Variants in PPP1R1A observed in about 807,000 individuals in gnomAD.
The protein encoded by PPP1R1A is protein phosphatase 1 regulatory subunit 1A.
PPP1R1A carries 18 observed loss-of-function variants against 23.9 expected under a neutral mutation model. The ratio of observed to expected loss-of-function variants is 0.75; its 90% CI spans 0.52 to 1.12. PPP1R1A has a LOEUF of 1.12. Among genes scored for constraint, PPP1R1A ranks in the 50% most tolerant of loss-of-function variants. The probability of loss-of-function intolerance (pLI) is 0.00; values close to 1 mark genes in which losing one functional copy is unlikely to be tolerated. For synonymous variants in PPP1R1A, 84 were observed against 80.7 expected (o/e 1.04, Z -0.22); for missense variants, 207 against 223.8 (o/e 0.92, Z 0.48).
At position 54,579,603 on chromosome 12, in the gene PPP1R1A, C is replaced by T; in HGVS notation, c.*784G>A. 1 of 985,422 alleles carries T rather than the reference C, an allele frequency of 1.0e-6. No homozygotes were observed. Among genetic ancestry groups the T allele is most frequent in the Non-Finnish European group, 1.2e-6 (1 of 829,966 alleles). The allele number at this position is 985,422 out of a possible 1,614,324, so 61.0% of individuals were successfully genotyped here. ...ATCTGAGACAGTTTCTTCTCTTATG[C>T]TTGGTTTTGGTCTTATCTGGGCCCC... On this transcript the variant is annotated 3_prime_UTR_variant, in exon 7 of 7. Coordinates refer to ENST00000257905, the MANE Select transcript of PPP1R1A (RefSeq NM_006741.4).
At chr12:54,582,221 C>A (rs1957862273) in intron 4 of PPP1R1A, 90 bp from the exon 5 acceptor site, 6 of 1,350,394 alleles carry the variant, frequency 4.4e-6, no homozygotes, top group Middle Eastern at 1.9e-4. Flanking sequence ...CCACTAAAGG[C>A]TCAGCACACA....
intron 3 of PPP1R1A, 38 bp from the exon 4 acceptor site, chr12:54,582,833 C>G: frequency 1.9e-6 from 3 of 1,593,778 alleles, no homozygotes; most frequent in South Asian, 1.1e-5. Context: ...CGCCAGCCCC[C>G]CCTTGCTCTC....
chr12:54,580,992 T>C lies in PPP1R1A; in HGVS notation c.462A>G (p.Lys154=). 1 of 1,613,970 alleles carries C rather than the reference T, an allele frequency of 6.2e-7. No homozygotes were observed. The highest frequency in any genetic ancestry group is 8.5e-7 in the Non-Finnish European group (1 of 1,179,860). Residue 154 remains lysine (K), a synonymous_variant, in exon 6 of 7, where the codon AAA becomes AAG. Coordinates refer to ENST00000257905, the MANE Select transcript of PPP1R1A (RefSeq NM_006741.4). The part of the protein sequence containing the change: ...HERGSKEPST[K]EPSTHIPPLD... ...GTGGTGGTATATGGGTTGAGGGTTC[T>C]TTTGTGCTGGGTTCCTTACTGCCTC...
intron 3 of PPP1R1A, 44 bp downstream of exon 3, chr12:54,583,167 G>T: frequency 3.3e-6 from 5 of 1,536,716 alleles, no homozygotes; most frequent in Non-Finnish European, 4.4e-6. Context: ...CCTAATGAAT[G>T]TGGGGGTTTT....
In PPP1R1A at chr12:54,579,408, C is replaced by T; in HGVS notation, c.*979G>A. 1 of 985,282 alleles carries T rather than the reference C, an allele frequency of 1.0e-6. No homozygotes were observed. The highest frequency in any genetic ancestry group is 1.2e-6 in the Non-Finnish European group (1 of 829,940). 61.0% of individuals were successfully genotyped at this position (985,282 alleles called of 1,614,324 possible). On this transcript the variant is annotated 3_prime_UTR_variant, in exon 7 of 7. Coordinates refer to ENST00000257905, the MANE Select transcript of PPP1R1A (RefSeq NM_006741.4). ...GGCCCAGGAGGAGGCCCCGAGGGCT[C>T]ATAGTAGCTGCATGGCAGAAGTGGG...
At chr12:54,583,909 G>T (rs1049987914) in intron 2 of PPP1R1A, among the ~76,000 whole-genome samples, 1 of 152,132 alleles carries the variant, frequency 6.6e-6, no homozygotes, top group Admixed American at 6.5e-5. Context: ...AGAGCTGGTG[G>T]AGGCGGTCCC....
At position 54,579,814 on chromosome 12, in the gene PPP1R1A, G is replaced by C. The variant is rs1957836383; in HGVS notation, c.*573C>G. On this transcript the variant is annotated 3_prime_UTR_variant, in exon 7 of 7. Transcript: ENST00000257905. ...AAGGCAGCTGGGGCTTGGAGGGCAG[G>C]CGAGGAGGTATCGGCACACCACCAT... The C allele has an allele frequency of 1.2e-5, 12 of 985,560 alleles. No homozygotes were observed. Among genetic ancestry groups the C allele is most frequent in the Non-Finnish European group, 1.4e-5 (12 of 830,112 alleles). The allele number at this position is 985,560 out of a possible 1,614,324, so 61.1% of individuals were successfully genotyped here.
intron 1 of PPP1R1A, among the ~76,000 whole-genome samples, chr12:54,586,749 G>C (rs577859354): frequency 6.6e-5 from 10 of 151,934 alleles, no homozygotes; most frequent in Non-Finnish European, 1.0e-4. Flanking sequence ...TTGTCTCCTA[G>C]ATCCCTGAAC....
chr12:54,584,405 C>T, intron 1 of PPP1R1A, 85 bp from the exon 2 acceptor site: 1 of 1,291,190 alleles, frequency 7.7e-7, no homozygotes. Context: ...TAACATAATC[C>T]AGGCTAGCCT....
chr12:54,585,696 G>A (rs2121214318), intron 1 of PPP1R1A, among the ~76,000 whole-genome samples: 1 of 152,150 alleles, frequency 6.6e-6, no homozygotes, highest in East Asian at 1.9e-4. Flanking sequence ...GTGGGGGGAT[G>A]ACAGAGGTGA....
At position 54,588,461 on chromosome 12, in the gene PPP1R1A, T is replaced by A; in HGVS notation, c.28A>T (p.Ile10Phe). The A allele has an allele frequency of 6.8e-7, 1 of 1,479,342 alleles. No homozygotes were observed. Among genetic ancestry groups the A allele is most frequent in the South Asian group, 1.3e-5 (1 of 76,552 alleles). The allele number at this position is 1,479,342 out of a possible 1,614,324, so 91.6% of individuals were successfully genotyped here. ...TCCAGCAGCGGGACCGTGAACTGGATCTTTCGGGGGCTGTTGTCTTGCTCC... is the reference window on the plus strand; with the variant it reads ...TCCAGCAGCGGGACCGTGAACTGGAACTTTCGGGGGCTGTTGTCTTGCTCC... Reference protein sequence around the residue: MEQDNSPRKIQFTVPLLEPH... With the variant: MEQDNSPRKFQFTVPLLEPH... Residue 10 changes from isoleucine (I) to phenylalanine (F), a missense_variant, in exon 1 of 7, where the codon ATC becomes TTC. Ile to Phe is a conservative substitution (Grantham distance 21). Transcript: ENST00000257905.
Position 54,581,985 on chromosome 12 carries a change from T to C in PPP1R1A, c.394A>G (p.Thr132Ala). 1 of 1,612,434 alleles carries C rather than the reference T, an allele frequency of 6.2e-7. No homozygotes were observed. The highest frequency in any genetic ancestry group is 2.2e-5 in the East Asian group (1 of 44,762). The change falls in exon 5 of 7, where the codon ACA becomes GCA. Residue 132 changes from threonine to alanine, a missense_variant. Transcript: ENST00000257905. The surrounding 1 kb of genome is among the most constrained non-coding windows in gnomAD (Gnocchi z 4.1). ...EVESRLGTSG[T>A]AKKTAECIPK... ...CCCAGCCTGAACATACTTTTTGCTG[T>C]CCCAGAGGTGCCCAGCCTTGACTCC...
chr12:54,581,019 C>T lies in PPP1R1A; in HGVS notation c.435G>A (p.Glu145=), dbSNP rs8407. 443,382 of 1,611,944 alleles carry T rather than the reference C, an allele frequency of 0.28. 64,776 individuals are homozygous for T. Among genetic ancestry groups the T allele is most frequent in the Middle Eastern group, 0.39 (2,391 of 6,054 alleles). ...KTAECIPKTH[E]RGSKEPSTKE... Reference sequence around the variant, plus strand: ...TTGTGCTGGGTTCCTTACTGCCTCTCTCGTGAGTTTTAGGGATGCATTCTG... The same window carrying T: ...TTGTGCTGGGTTCCTTACTGCCTCTTTCGTGAGTTTTAGGGATGCATTCTG... Residue 145 remains glutamate, a synonymous_variant, in exon 6 of 7, where the codon GAG becomes GAA. Transcript: ENST00000257905. This position sits in a 1 kb window ranked among gnomAD's most constrained non-coding sequence, Gnocchi z 4.1.
chr12:54,581,092 A>G lies in PPP1R1A; in HGVS notation c.404-42T>C. 6.8e-7 allele frequency: 1 copy of G among 1,479,494 alleles called. No individual in the cohort carries two copies. Among genetic ancestry groups the G allele is most frequent in the Non-Finnish European group, 9.4e-7 (1 of 1,062,640 alleles). 91.6% of individuals were successfully genotyped at this position (1,479,494 alleles called of 1,614,324 possible). A position where few individuals can be genotyped will look rare whatever the true frequency, so the allele number is the denominator to read the frequency against. ...GGGGTGGGAGGAAGAGGTGGCATTC[A>G]TAAAGGTGTTGGGGAGGGAACTGCT... On this transcript the variant is annotated intron_variant, in intron 5 of 6. Transcript: ENST00000257905. This position sits in a 1 kb window ranked among gnomAD's most constrained non-coding sequence, Gnocchi z 4.1.
intron 1 of PPP1R1A, 149 bp downstream of exon 1, chr12:54,588,256 A>AGC: frequency 5.5e-6 from 1 of 180,668 alleles, no homozygotes; most frequent in Non-Finnish European, 1.1e-5. Flanking sequence ...GGGACAGAAG[A>AGC]CCCCCCCCCG....
intron 1 of PPP1R1A, among the ~76,000 whole-genome samples, chr12:54,585,008 T>C (rs1001545188): frequency 1.3e-5 from 2 of 152,012 alleles, no homozygotes; most frequent in African/African-American, 4.8e-5. Flanking sequence ...CACAGGGCTT[T>C]CTCTCAGTGT....
intron 1 of PPP1R1A, 111 bp downstream of exon 1, chr12:54,588,293 CA>C: frequency 2.5e-6 from 1 of 406,330 alleles, no homozygotes; most frequent in South Asian, 6.8e-5. Context: ...CGTTCGTCCT[CA>C]AAAGGGCGCA....
chr12:54,582,612 TC>T, intron 4 of PPP1R1A, 119 bp downstream of exon 4: 1 of 1,221,404 alleles, frequency 8.2e-7, no homozygotes, highest in Non-Finnish European at 1.2e-6. Flanking sequence ...CCTCAGTTCG[TC>T]TAGCAACAGT....
intron 2 of PPP1R1A, among the ~76,000 whole-genome samples, chr12:54,583,494 G>C (rs1170666585): frequency 6.6e-6 from 1 of 152,188 alleles, no homozygotes; most frequent in Non-Finnish European, 1.5e-5. Context: ...ATTTGCGTCT[G>C]CATCTTTGCC....
Sources: gnomAD v4.1 joint callset for allele counts (sites outside exome capture counted in the v4.1 genomes callset) on GRCh38, gnomAD v4.1.1 for gene constraint, Gnocchi (gnomAD v3.1) non-coding constraint, MANE v1.5 for transcripts, NCBI Gene and HGNC (gene_info 2026-07-23, HGNC 2026-07-21) for gene names.